ZKSCAN1: variants seen among roughly 807,000 people sequenced by gnomAD.
The protein encoded by ZKSCAN1 is zinc finger with KRAB and SCAN domains 1, also known as zinc finger protein with KRAB and SCAN domains 1.
ZKSCAN1 carries 14 observed loss-of-function variants against 51.6 expected under a neutral mutation model. The observed-to-expected ratio is 0.27, with a 90% CI of 0.18 to 0.42. The LOEUF is 0.42. ZKSCAN1 is among the 10% of genes least tolerant of loss of function. ZKSCAN1 has a pLI of 1.00. For synonymous variants in ZKSCAN1, 263 were observed against 261.5 expected (o/e 1.01, Z -0.06); for missense variants, 531 against 710.0 (o/e 0.75, Z 2.86).
Position 100,036,346 on chromosome 7 carries a change from T to G in ZKSCAN1, c.*2149T>G. 1 of 985,384 alleles carries G rather than the reference T, an allele frequency of 1.0e-6. No homozygotes were observed. The highest frequency in any genetic ancestry group is 1.2e-6 in the Non-Finnish European group (1 of 829,938). 61.0% of individuals were successfully genotyped at this position (985,384 alleles called of 1,614,324 possible). A position where few individuals can be genotyped will look rare whatever the true frequency, so the allele number is the denominator to read the frequency against. Reference sequence around the variant, plus strand: ...ATGGAGGCAGAAAATGTTTTAAGGATTTTCTTCAAAGAATAAGCCACAGCA... The same window carrying G: ...ATGGAGGCAGAAAATGTTTTAAGGAGTTTCTTCAAAGAATAAGCCACAGCA... On this transcript the variant is annotated 3_prime_UTR_variant, in exon 6 of 6. Transcript: ENST00000324306.
chr7:100,017,939 C>T (rs1790439583), intron 1 of ZKSCAN1, among the ~76,000 whole-genome samples: 2 of 152,324 alleles, frequency 1.3e-5, no homozygotes, highest in Non-Finnish European at 1.5e-5. Flanking sequence ...TGTACAGTTA[C>T]ATCTTTTAAG....
rs1791442203 is a variant in ZKSCAN1, at chr7:100,038,126, C to T, written c.*3929C>T. ...AAAAAAATAGCAAAATGTGCAACTT[C>T]TTACAAAAATTGTTAACGTTAGGTA... On this transcript the variant is annotated 3_prime_UTR_variant, in exon 6 of 6. Transcript: ENST00000324306. 3.0e-6 allele frequency: 3 copies of T among 985,250 alleles called. No homozygotes were observed. The South Asian group carries it at 1.4e-4, about 46-fold the overall frequency. 61.0% of individuals were successfully genotyped at this position (985,250 alleles called of 1,614,324 possible).
chr7:100,020,689 T>C (rs980460318), intron 1 of ZKSCAN1, among the ~76,000 whole-genome samples: 1 of 152,310 alleles, frequency 6.6e-6, no homozygotes, highest in South Asian at 2.1e-4. Context: ...TGTGCTGTTA[T>C]ATGTACATGA....
At position 100,038,402 on chromosome 7, in the gene ZKSCAN1, T is replaced by C. The variant is rs145166201; in HGVS notation, c.*4205T>C. On this transcript the variant is annotated 3_prime_UTR_variant, in exon 6 of 6. Transcript: ENST00000324306. ...GAAAAGCTTCATAGTTTGGTGCTTA[T>C]CACATCAAGAGATTGGTAAATTTCT... 7,577 of 985,420 alleles carry C rather than the reference T, an allele frequency of 7.7e-3. 35 individuals are homozygous for C. Among genetic ancestry groups the C allele is most frequent in the Middle Eastern group, 0.025 (48 of 1,914 alleles). 61.0% of individuals were successfully genotyped at this position (985,420 alleles called of 1,614,324 possible).
chr7:100,044,317 G>A (rs1791671630), downstream of ZKSCAN1, among the ~76,000 whole-genome samples: 1 of 152,124 alleles, frequency 6.6e-6, no homozygotes, highest in African/African-American at 2.4e-5. Context: ...CCCCACTGCA[G>A]TGGTTCCTGT....
rs1437218382 is a variant in ZKSCAN1 at position 100,035,122 on chromosome 7, A to G, written c.*925A>G. On this transcript the variant is annotated 3_prime_UTR_variant, in exon 6 of 6. Transcript: ENST00000324306. ...GTGCTGGACATAGTGAGTACTGAAC[A>G]CCTAAGAGGCACTCATTCAGACTGA... 1.3e-5 allele frequency: 2 copies of G among 152,566 alleles called. No homozygotes were observed. Among genetic ancestry groups the G allele is most frequent in the African/African-American group, 4.8e-5 (2 of 41,412 alleles). The allele number at this position is 152,566 out of a possible 1,614,324, so 9.5% of individuals were successfully genotyped here. A position where few individuals can be genotyped will look rare whatever the true frequency, so the allele number is the denominator to read the frequency against.
In ZKSCAN1 at chr7:100,033,324, G is replaced by C. The variant is rs1371246744; in HGVS notation, c.819G>C (p.Glu273Asp). Reference protein sequence around the residue: ...AFPQGGENRNENEESTSKAET... With the variant: ...AFPQGGENRNDNEESTSKAET... ...TGTCAGGTGGTGAAAACAGGAATGAGAACGAGGAGTCAACCTCAAAGGCTG... is the reference window on the plus strand; with the variant it reads ...TGTCAGGTGGTGAAAACAGGAATGACAACGAGGAGTCAACCTCAAAGGCTG... Residue 273 changes from glutamate (E) to aspartate (D), a missense_variant, in exon 6 of 6, where the codon GAG (glutamate) becomes GAC (aspartate). Coordinates refer to ENST00000324306, the MANE Select transcript of ZKSCAN1 (RefSeq NM_003439.4). This position sits in a 1 kb window ranked among gnomAD's most constrained non-coding sequence, Gnocchi z 4.1. 6.2e-7 allele frequency: 1 copy of C among 1,608,264 alleles called. No homozygotes were observed. The highest frequency in any genetic ancestry group is 1.7e-5 in the Admixed American group (1 of 58,474).
At position 100,034,169 on chromosome 7, in the gene ZKSCAN1, T is replaced by C. The variant is rs1410348696; in HGVS notation, c.1664T>C (p.Phe555Ser). The C allele has an allele frequency of 6.6e-7, 1 of 1,518,504 alleles. No individual in the cohort carries two copies. The highest frequency in any genetic ancestry group is 1.4e-5 in the African/African-American group (1 of 71,962). 94.1% of individuals were successfully genotyped at this position (1,518,504 alleles called of 1,614,324 possible). ...TACAGCCCAGCCTCCCTTGATGCAT[T>C]TGGCGCGTTCCTGAAAAGTTGTGTG... ...SEYSPASLDA[F>S]GAFLKSCV Residue 555 changes from phenylalanine to serine, a missense_variant, in exon 6 of 6, where the codon TTT (phenylalanine) becomes TCT (serine). Phe to Ser is a radical substitution (Grantham distance 155). Transcript: ENST00000324306.
rs976166740 is a variant in ZKSCAN1, at chr7:100,041,238, A to C, written c.*7041A>C. 5.9e-6 allele frequency: 5 copies of C among 853,758 alleles called. No homozygotes were observed. Among genetic ancestry groups the C allele is most frequent in the Non-Finnish European group, 7.0e-6 (5 of 710,100 alleles). 52.9% of individuals were successfully genotyped at this position (853,758 alleles called of 1,614,324 possible). A position where few individuals can be genotyped will look rare whatever the true frequency, so the allele number is the denominator to read the frequency against. The stretch of plus-strand genomic sequence containing the variant: ...GTGCTTGTCTCTGTATACCCGCAGA[A>C]TGAAGTTACTGTTGTTAAAACTGGA... On this transcript the variant is annotated 3_prime_UTR_variant, in exon 6 of 6. Coordinates refer to ENST00000324306, the MANE Select transcript of ZKSCAN1 (RefSeq NM_003439.4).
At chr7:100,043,111 T>C (rs987077956), downstream of ZKSCAN1, among the ~76,000 whole-genome samples, 1 of 151,854 alleles carries the variant, frequency 6.6e-6, no homozygotes, top group South Asian at 2.1e-4. Flanking sequence ...TTTTTGGGTA[T>C]TTTTTGTAGT....
rs1457143210 is a variant in ZKSCAN1 at position 100,041,200 on chromosome 7, C to G, written c.*7003C>G. 5.3e-6 allele frequency: 4 copies of G among 749,634 alleles called. No individual in the cohort carries two copies. Among genetic ancestry groups the G allele is most frequent in the Admixed American group, 1.3e-4 (2 of 15,950 alleles). 46.4% of individuals were successfully genotyped at this position (749,634 alleles called of 1,614,324 possible). ...CTTCTTCGTTTAGAATAAATTAGACCAAAAGAAGAAACGTGCTTGTCTCTG... is the reference window on the plus strand; with the variant it reads ...CTTCTTCGTTTAGAATAAATTAGACGAAAAGAAGAAACGTGCTTGTCTCTG... On this transcript the variant is annotated 3_prime_UTR_variant, in exon 6 of 6. Coordinates refer to ENST00000324306, the MANE Select transcript of ZKSCAN1 (RefSeq NM_003439.4).
At chr7:100,023,974 A>T in intron 2 of ZKSCAN1, 42 bp downstream of exon 2, 1 of 1,530,916 alleles carries the variant, frequency 6.5e-7, no homozygotes, top group Non-Finnish European at 8.7e-7. Flanking sequence ...CAGGGCACAG[A>T]CGTTGAAACT....
chr7:100,043,228 A>G (rs1305208206), downstream of ZKSCAN1, among the ~76,000 whole-genome samples: 4 of 150,802 alleles, frequency 2.7e-5, no homozygotes, highest in African/African-American at 9.8e-5. Flanking sequence ...ATTTTTTCTT[A>G]ATAATTATTT....
At position 100,021,116 on chromosome 7, in the gene ZKSCAN1, C is replaced by CTTTT. The variant is rs60632908; in HGVS notation, c.-88-2284_-88-2281dup. 7.0e-3 allele frequency among the ~76,000 whole-genome samples: 601 copies of CTTTT among 85,306 alleles called. 3 individuals carry two copies. The highest frequency in any genetic ancestry group is 0.024 in the East Asian group (56 of 2,318). 56.0% of individuals were successfully genotyped at this position (85,306 alleles called of 152,430 possible). On this transcript the variant is annotated intron_variant, in intron 1 of 5. Coordinates refer to ENST00000324306, the MANE Select transcript of ZKSCAN1 (RefSeq NM_003439.4). Reference sequence around the variant, plus strand: ...TATTTCCAAGTTTCTTTTTTTTTTCCTTTTTTTTTTTTTTTTTTTTTTGAG... The same window carrying CTTTT: ...TATTTCCAAGTTTCTTTTTTTTTTCCTTTTTTTTTTTTTTTTTTTTTTTTTTGAG...
chr7:100,031,893 A>G (rs746491903), intron 5 of ZKSCAN1, among the ~76,000 whole-genome samples: 3 of 152,156 alleles, frequency 2.0e-5, no homozygotes, highest in Non-Finnish European at 4.4e-5. Context: ...CATGGGCAAT[A>G]TAGCAAGACC....
In ZKSCAN1 at chr7:100,041,115, T is replaced by C; in HGVS notation, c.*6918T>C. The C allele has an allele frequency of 1.2e-6, 1 of 838,030 alleles. No homozygotes were observed. Among genetic ancestry groups the C allele is most frequent in the Non-Finnish European group, 1.4e-6 (1 of 695,652 alleles). The allele number at this position is 838,030 out of a possible 1,614,324, so 51.9% of individuals were successfully genotyped here. A position where few individuals can be genotyped will look rare whatever the true frequency, so the allele number is the denominator to read the frequency against. On this transcript the variant is annotated 3_prime_UTR_variant, in exon 6 of 6. Coordinates refer to ENST00000324306, the MANE Select transcript of ZKSCAN1 (RefSeq NM_003439.4). ...TCTATATAGAGGGCTAACTCAGGCA[T>C]TGTCTTGTTTATTTGTAGACTGGAT...
At chr7:100,024,589 T>A (rs1790738766) in intron 3 of ZKSCAN1, 1 of 337,120 alleles carries the variant, frequency 3.0e-6, no homozygotes, top group African/African-American at 2.1e-5. Flanking sequence ...AAGGACCCTG[T>A]CTCAAAAGCT....
chr7:100,025,318 CAAAAAAA>C (rs35796352), intron 3 of ZKSCAN1, among the ~76,000 whole-genome samples: 1 of 103,878 alleles, frequency 9.6e-6, no homozygotes, highest in Non-Finnish European at 2.0e-5. Context: ...AGTCTGTTTC[CAAAAAAA>C]AAAAAAAAAA....
intron 1 of ZKSCAN1, among the ~76,000 whole-genome samples, chr7:100,016,092 C>A (rs1790348397): frequency 6.6e-6 from 1 of 152,182 alleles, no homozygotes; most frequent in Non-Finnish European, 1.5e-5. Context: ...TTTCTGCTCT[C>A]CCTTAGTCGC....
Sources: gnomAD v4.1 joint callset for allele counts (sites outside exome capture counted in the v4.1 genomes callset) on GRCh38, gnomAD v4.1.1 for gene constraint, Gnocchi (gnomAD v3.1) non-coding constraint, MANE v1.5 for transcripts, NCBI Gene and HGNC (gene_info 2026-07-23, HGNC 2026-07-21) for gene names.